Variants in LMO1 observed in about 807,000 individuals in gnomAD.
LMO1 encodes LIM domain only 1.
In LMO1, 10 loss-of-function variants were observed where a neutral mutation model predicts 18.0. The observed-to-expected ratio is 0.55, with a 90% CI of 0.34 to 0.94. The LOEUF (loss-of-function observed/expected upper bound fraction) is 0.94. LMO1 is among the 40% of genes least tolerant of loss of function. The probability of loss-of-function intolerance (pLI) is 0.02; values close to 1 mark genes in which losing one functional copy is unlikely to be tolerated. For missense variants in LMO1, 183 were observed against 205.7 expected (o/e 0.89, Z 0.68); for synonymous variants, 77 against 77.9 (o/e 0.99, Z 0.06).
At chr11:8,256,236 A>T (rs955388415) in intron 1 of LMO1, among the ~76,000 whole-genome samples, 2 of 152,244 alleles carry the variant, frequency 1.3e-5, no homozygotes, top group Admixed American at 6.5e-5. Context: ...TACAGAGAGC[A>T]ATGTCAATTC....
chr11:8,224,405 T>C lies in LMO1; in HGVS notation c.*211A>G. The C allele has an allele frequency of 1.8e-6, 1 of 570,966 alleles. No individual in the cohort carries two copies. Among genetic ancestry groups the C allele is most frequent in the Non-Finnish European group, 3.1e-6 (1 of 319,984 alleles). 35.4% of individuals were successfully genotyped at this position (570,966 alleles called of 1,614,324 possible). A position where few individuals can be genotyped will look rare whatever the true frequency, so the allele number is the denominator to read the frequency against. ...TCCCATTTATATACAGAAGACAGAC[T>C]GTACAGGCCCGGCCTGGCCCCAGGA... On this transcript the variant is annotated 3_prime_UTR_variant, in exon 4 of 4. Coordinates refer to ENST00000335790, the MANE Select transcript of LMO1 (RefSeq NM_002315.3).
At chr11:8,266,683 C>T (rs751186257), upstream of LMO1, among the ~76,000 whole-genome samples, 2 of 152,182 alleles carry the variant, frequency 1.3e-5, no homozygotes, top group Non-Finnish European at 2.9e-5. Context: ...AGGAAAGTCC[C>T]GAGGAAGAGT....
intron 1 of LMO1, among the ~76,000 whole-genome samples, chr11:8,238,791 T>C (rs1952806239): frequency 6.6e-6 from 1 of 151,458 alleles, no homozygotes; most frequent in South Asian, 2.1e-4. Flanking sequence ...TTGATCTGAG[T>C]GTTGATATGG....
intron 3 of LMO1, among the ~76,000 whole-genome samples, chr11:8,225,315 G>C (rs1952515280): frequency 6.8e-6 from 1 of 147,790 alleles, no homozygotes; most frequent in Admixed American, 6.9e-5. Flanking sequence ...CTGAGGCAGA[G>C]GATTGCTTGA....
chr11:8,240,667 G>A (rs1454807008), intron 1 of LMO1, among the ~76,000 whole-genome samples: 1 of 152,028 alleles, frequency 6.6e-6, no homozygotes, highest in Non-Finnish European at 1.5e-5. Context: ...GTTCTCTGTG[G>A]TCCCTTTTAA....
intron 1 of LMO1, among the ~76,000 whole-genome samples, chr11:8,232,504 G>A (rs1457285941): frequency 6.6e-6 from 1 of 152,192 alleles, no homozygotes; most frequent in African/African-American, 2.4e-5. Flanking sequence ...CCCAGAGTGG[G>A]ACCTGGACCA....
upstream of LMO1, among the ~76,000 whole-genome samples, chr11:8,266,125 G>T (rs1847258408): frequency 6.6e-6 from 1 of 152,194 alleles, no homozygotes. Flanking sequence ...GCCAGCAGGG[G>T]ACTGGTGCTG....
At chr11:8,229,305 G>A (rs114400436) in intron 2 of LMO1, among the ~76,000 whole-genome samples, 1 of 152,320 alleles carries the variant, frequency 6.6e-6, no homozygotes, top group African/African-American at 2.4e-5. Context: ...GGTGTTAAAA[G>A]GGGCAGGCAG....
rs777192943 is a variant in LMO1 at position 8,230,524 on chromosome 11, C to T, written c.26-20G>A. On this transcript the variant is annotated intron_variant, in intron 1 of 3. Transcript: ENST00000335790. ...GCACGCCTGCAGACGGACAGACAGA[C>T]AGCAACGCAGGATGGGCCCCGTAGC... 1.1e-5 allele frequency: 17 copies of T among 1,606,302 alleles called. No individual in the cohort carries two copies. The highest frequency in any genetic ancestry group is 1.7e-5 in the Admixed American group (1 of 60,018).
chr11:8,246,902 C>T (rs1239629983), intron 1 of LMO1, among the ~76,000 whole-genome samples: 3 of 152,142 alleles, frequency 2.0e-5, no homozygotes, highest in Non-Finnish European at 4.4e-5. Context: ...CATCCCCCTG[C>T]TGGGATGAAA....
chr11:8,225,614 A>G (rs1340846206), intron 3 of LMO1, among the ~76,000 whole-genome samples: 1 of 152,106 alleles, frequency 6.6e-6, no homozygotes, highest in Non-Finnish European at 1.5e-5. Flanking sequence ...TACCGAAGGA[A>G]GGCCCTTCAT....
At chr11:8,251,349 G>A (rs1489227470) in intron 1 of LMO1, among the ~76,000 whole-genome samples, 1 of 152,128 alleles carries the variant, frequency 6.6e-6, no homozygotes, top group Non-Finnish European at 1.5e-5. Flanking sequence ...CAGCCCACAG[G>A]AGAGCCTCCT....
At chr11:8,253,965 T>C (rs1226936637) in intron 1 of LMO1, among the ~76,000 whole-genome samples, 2 of 152,186 alleles carry the variant, frequency 1.3e-5, no homozygotes, top group Non-Finnish European at 2.9e-5. Context: ...TGCGTCAGAC[T>C]GTAATATTTT....
At chr11:8,248,787 C>G (rs756116907) in intron 1 of LMO1, among the ~76,000 whole-genome samples, 1 of 152,194 alleles carries the variant, frequency 6.6e-6, no homozygotes, top group Non-Finnish European at 1.5e-5. Flanking sequence ...GGGACTGATC[C>G]ATGGGTGGCT....
chr11:8,230,203 G>A, intron 2 of LMO1, 88 bp downstream of exon 2: 1 of 1,208,156 alleles, frequency 8.3e-7, no homozygotes, highest in Non-Finnish European at 1.2e-6. Context: ...ACTGGGTCTA[G>A]GGCCGGGGGC....
At chr11:8,239,262 A>G (rs1846743095) in intron 1 of LMO1, among the ~76,000 whole-genome samples, 1 of 152,102 alleles carries the variant, frequency 6.6e-6, no homozygotes, top group Non-Finnish European at 1.5e-5. Flanking sequence ...ACATACTTAG[A>G]TCAGGGCCCG....
At chr11:8,236,885 TTATA>T (rs1952770009) in intron 1 of LMO1, among the ~76,000 whole-genome samples, 1 of 152,334 alleles carries the variant, frequency 6.6e-6, no homozygotes, top group African/African-American at 2.4e-5. Context: ...TTTGGTGTGC[TTATA>T]TAAATATACA....
At chr11:8,239,772 C>A (rs1846752446) in intron 1 of LMO1, among the ~76,000 whole-genome samples, 1 of 152,174 alleles carries the variant, frequency 6.6e-6, no homozygotes, top group African/African-American at 2.4e-5. Context: ...GCTCTAAGTG[C>A]CAAGCTTCTC....
intron 1 of LMO1, among the ~76,000 whole-genome samples, chr11:8,251,989 T>G (rs371783151): frequency 7.1e-4 from 81 of 113,522 alleles, no homozygotes; most frequent in East Asian, 1.8e-3. Flanking sequence ...TGTGTGGGGG[T>G]GTGCGTGTGT....
Sources: allele counts gnomAD v4.1 joint callset (sites outside exome capture counted in the v4.1 genomes callset), GRCh38; gene constraint gnomAD v4.1.1; transcripts MANE v1.5; gene names NCBI Gene and HGNC (gene_info 2026-07-23, HGNC 2026-07-21).